Variants in USP31 observed in about 807,000 individuals in gnomAD.
USP31 encodes ubiquitin carboxyl-terminal hydrolase 31.
USP31 carries 44 observed loss-of-function variants against 119.4 expected under a neutral mutation model. That is an observed-to-expected ratio of 0.37 (90% confidence interval 0.29 to 0.47). The LOEUF is 0.47. Among genes scored for constraint, USP31 ranks in the 20% least tolerant of loss-of-function variants. The probability of loss-of-function intolerance (pLI) is 0.99; values close to 1 mark genes in which losing one functional copy is unlikely to be tolerated. For missense variants in USP31, 1,643 were observed against 1,730.2 expected (o/e 0.95, Z 0.89); for synonymous variants, 749 against 705.6 (o/e 1.06, Z -0.97).
intron 1 of USP31, among the ~76,000 whole-genome samples, chr16:23,129,790 T>C (rs1902971648): frequency 6.6e-6 from 1 of 152,210 alleles, no homozygotes; most frequent in Admixed American, 6.5e-5. Context: ...GAGGAAGCCA[T>C]AACGTCCAAC....
At chr16:23,087,983 T>A in intron 7 of USP31, 148 bp from the exon 8 acceptor site, 1 of 665,296 alleles carries the variant, frequency 1.5e-6, no homozygotes, top group East Asian at 2.7e-5. Flanking sequence ...AATTTAATGG[T>A]AACTCTTCAT....
rs756860730 is a variant in USP31, at chr16:23,148,902, C to G, written c.369G>C (p.Pro123=). 7.1e-7 allele frequency: 1 copy of G among 1,407,430 alleles called. No individual in the cohort carries two copies. Among genetic ancestry groups the G allele is most frequent in the African/African-American group, 1.5e-5 (1 of 67,460 alleles). 87.2% of individuals were successfully genotyped at this position (1,407,430 alleles called of 1,614,324 possible). ...TGCGGAGCCCCGCCACGCCGGGCACCGGCTCGGCGGCGCAAGCGGGCGGCG... is the reference window on the plus strand; with the variant it reads ...TGCGGAGCCCCGCCACGCCGGGCACGGGCTCGGCGGCGCAAGCGGGCGGCG... ...SPAPPACAAE[P]VPGVAGLRNH... Residue 123 remains proline (P), a synonymous_variant, in exon 1 of 16, where the codon CCG becomes CCC. Transcript: ENST00000219689.
At chr16:23,130,312 G>A (rs1347503677) in intron 1 of USP31, among the ~76,000 whole-genome samples, 4 of 152,274 alleles carry the variant, frequency 2.6e-5, no homozygotes, top group South Asian at 2.1e-4. Flanking sequence ...TAGGCCAGGC[G>A]TGGTGGCTCA....
At chr16:23,114,483 T>C (rs963377293) in intron 1 of USP31, among the ~76,000 whole-genome samples, 5 of 150,486 alleles carry the variant, frequency 3.3e-5, no homozygotes, top group East Asian at 1.9e-4. Flanking sequence ...AGTTTCAACA[T>C]AGACATTCCA....
At chr16:23,128,592 T>G (rs1902937175) in intron 1 of USP31, among the ~76,000 whole-genome samples, 1 of 152,118 alleles carries the variant, frequency 6.6e-6, no homozygotes, top group Non-Finnish European at 1.5e-5. Context: ...GGAAACCAAA[T>G]AACTGGACAA....
At chr16:23,116,578 A>G (rs1196460844) in intron 1 of USP31, among the ~76,000 whole-genome samples, 4 of 152,194 alleles carry the variant, frequency 2.6e-5, no homozygotes. Flanking sequence ...CCCTTCATCC[A>G]TTCTTCCTCC....
At position 23,062,284 on chromosome 16, in the gene USP31, T is replaced by A. The variant is rs1899864830; in HGVS notation, c.*5762A>T. ...ATTTGCCTCCACAGTTAACACAGAGTGCCAAATTCTGGGATGTGTATTACT... is the reference window on the plus strand; with the variant it reads ...ATTTGCCTCCACAGTTAACACAGAGAGCCAAATTCTGGGATGTGTATTACT... On this transcript the variant is annotated 3_prime_UTR_variant, in exon 16 of 16. Transcript: ENST00000219689. 1 of 151,980 alleles carries A rather than the reference T, an allele frequency of 6.6e-6. No homozygotes were observed. Among genetic ancestry groups the A allele is most frequent in the South Asian group, 2.1e-4 (1 of 4,802 alleles). 9.4% of individuals were successfully genotyped at this position (151,980 alleles called of 1,614,324 possible).
rs1431675961 is a variant in USP31 at position 23,085,107 on chromosome 16, G to A, written c.1701-118C>T. ...TAACCGAAGGAAAAAAAAAATCAAT[G>A]TGTAAGAAAACAAAAGTAGTGACCC... On this transcript the variant is annotated intron_variant, in intron 10 of 15. Coordinates refer to ENST00000219689, the MANE Select transcript of USP31 (RefSeq NM_020718.4). The A allele has an allele frequency of 2.1e-6, 3 of 1,420,996 alleles. No individual in the cohort carries two copies. The African/African-American group carries it at 4.3e-5, about 20-fold the overall frequency. The allele number at this position is 1,420,996 out of a possible 1,614,324, so 88.0% of individuals were successfully genotyped here. A position where few individuals can be genotyped will look rare whatever the true frequency, so the allele number is the denominator to read the frequency against.
In USP31 at chr16:23,148,738, C is replaced by T; in HGVS notation, c.533G>A (p.Arg178His). 6.7e-7 allele frequency: 1 copy of T among 1,487,742 alleles called. No homozygotes were observed. Among genetic ancestry groups the T allele is most frequent in the African/African-American group, 1.5e-5 (1 of 68,714 alleles). 92.2% of individuals were successfully genotyped at this position (1,487,742 alleles called of 1,614,324 possible). A position where few individuals can be genotyped will look rare whatever the true frequency, so the allele number is the denominator to read the frequency against. The change falls in exon 1 of 16, where the codon CGC becomes CAC. Residue 178 changes from arginine (R) to histidine (H), a missense_variant. Transcript: ENST00000219689. ...GACCTCGCCCTGGCCCTGCGCGCCG[C>T]GGCCCGCAGGCTGCTCCGGGTCAGG... ...PSPDPEQPAG[R>H]GAQGQGEVTE...
intron 11 of USP31, among the ~76,000 whole-genome samples, chr16:23,083,003 G>A (rs546701592): frequency 6.6e-6 from 1 of 151,706 alleles, no homozygotes; most frequent in African/African-American, 2.4e-5. Flanking sequence ...GCTAATTTTT[G>A]TATTTTTGGT....
At chr16:23,070,744 A>G (rs906766081) in intron 15 of USP31, among the ~76,000 whole-genome samples, 1 of 152,020 alleles carries the variant, frequency 6.6e-6, no homozygotes, top group Admixed American at 6.6e-5. Context: ...AATCAGAACC[A>G]CATACTCCTA....
At chr16:23,139,041 G>T (rs553618839) in intron 1 of USP31, among the ~76,000 whole-genome samples, 1 of 152,158 alleles carries the variant, frequency 6.6e-6, no homozygotes, top group Non-Finnish European at 1.5e-5. Flanking sequence ...AAATAAATCT[G>T]TAGACTTAAT....
rs1433125166 is a variant in USP31, at chr16:23,106,214, T to G, written c.952A>C (p.Arg318=). ...ISLPIPLPHT[R]PLYVTVVYQG... ...TCATTTTACTAAATCCATTCTTACC[T>G]TGTGTGGGGCAGAGGAATTGGCAAA... Residue 318 remains arginine (R), a splice_region_variant and synonymous_variant, in exon 4 of 16, where the codon AGG becomes CGG. Coordinates refer to ENST00000219689, the MANE Select transcript of USP31 (RefSeq NM_020718.4). The G allele has an allele frequency of 6.2e-7, 1 of 1,614,128 alleles. No homozygotes were observed. Among genetic ancestry groups the G allele is most frequent in the Admixed American group, 1.7e-5 (1 of 60,024 alleles).
chr16:23,101,201 T>G (rs1901838314), intron 6 of USP31, among the ~76,000 whole-genome samples: 1 of 152,204 alleles, frequency 6.6e-6, no homozygotes, highest in South Asian at 2.1e-4. Flanking sequence ...GGGACTCGCC[T>G]GAACTACGTC....
In USP31 at chr16:23,090,878, C is replaced by T; in HGVS notation, c.1235-74G>A. The T allele has an allele frequency of 3.8e-6, 5 of 1,330,524 alleles. 1 individual carries two copies. In the South Asian group the frequency reaches 6.9e-5, roughly 18 times the overall value. 82.4% of individuals were successfully genotyped at this position (1,330,524 alleles called of 1,614,324 possible). A position where few individuals can be genotyped will look rare whatever the true frequency, so the allele number is the denominator to read the frequency against. ...ATTCACTCGTTATGAAGAAATTTAC[C>T]CAACAGAGAAAATTTTTTTTAAAAA... On this transcript the variant is annotated intron_variant, in intron 6 of 15. Transcript: ENST00000219689.
intron 9 of USP31, 87 bp from the exon 10 acceptor site, chr16:23,085,749 A>G (rs1216487026): frequency 1.7e-6 from 2 of 1,177,202 alleles, no homozygotes; most frequent in Middle Eastern, 2.0e-4. Context: ...CCTACCCAAA[A>G]TCATAATTTC....
intron 13 of USP31, among the ~76,000 whole-genome samples, chr16:23,078,583 A>C (rs1567227438): frequency 6.6e-6 from 1 of 151,962 alleles, no homozygotes; most frequent in Non-Finnish European, 1.5e-5. Flanking sequence ...CCCACTGCTC[A>C]CACCTCCACC....
chr16:23,114,642 C>G (rs1370946329), intron 1 of USP31, among the ~76,000 whole-genome samples: 4 of 152,158 alleles, frequency 2.6e-5, no homozygotes, highest in Admixed American at 6.5e-5. Context: ...CACTTCAACT[C>G]ATCCACACTT....
chr16:23,068,009 A>G lies in USP31; in HGVS notation c.*37T>C. 1 of 1,557,218 alleles carries G rather than the reference A, an allele frequency of 6.4e-7. No individual in the cohort carries two copies. Among genetic ancestry groups the G allele is most frequent in the Non-Finnish European group, 8.7e-7 (1 of 1,154,688 alleles). Reference sequence around the variant, plus strand: ...GAGGGCAGGGGTTCTAAATAAATAAACATCTTTACAGATAAAACACTTTGA... The same window carrying G: ...GAGGGCAGGGGTTCTAAATAAATAAGCATCTTTACAGATAAAACACTTTGA... On this transcript the variant is annotated 3_prime_UTR_variant, in exon 16 of 16. Coordinates refer to ENST00000219689, the MANE Select transcript of USP31 (RefSeq NM_020718.4).
Sources: allele counts gnomAD v4.1 joint callset (sites outside exome capture counted in the v4.1 genomes callset), GRCh38; gene constraint gnomAD v4.1.1; transcripts MANE v1.5; gene names NCBI Gene and HGNC (gene_info 2026-07-23, HGNC 2026-07-21).